Variants in KAZN observed in about 807,000 individuals in gnomAD.
KAZN encodes the protein kazrin.
A neutral mutation model predicts 87.4 loss-of-function variants in KAZN; 40 were observed. The observed-to-expected ratio is 0.46, with a 90% confidence interval of 0.36 to 0.60. The LOEUF (loss-of-function observed/expected upper bound fraction) is 0.60. Ranked by LOEUF, KAZN falls within the 20% of genes least tolerant of loss-of-function variation. The pLI is 0.00. For synonymous variants in KAZN, 466 were observed against 458.3 expected, an observed-to-expected ratio of 1.02 and a Z score of -0.22; for missense variants, 898 against 1,073.9, an observed-to-expected ratio of 0.84 and a Z score of 2.29.
At chr1:14,969,307 C>T (rs955954916) in intron 2 of KAZN, among the ~76,000 whole-genome samples, 14 of 152,250 alleles carry the variant, frequency 9.2e-5, no homozygotes, top group African/African-American at 3.1e-4. Flanking sequence ...TTCTTAGTCT[C>T]ATTCCCTCCA....
At chr1:13,961,141 T>TCCAA (rs1465382475) in intron 1 of KAZN, among the ~76,000 whole-genome samples, 1 of 152,136 alleles carries the variant, frequency 6.6e-6, no homozygotes, top group Non-Finnish European at 1.5e-5. Context: ...ACCCTCTTCT[T>TCCAA]CCAACTTATA....
In KAZN at chr1:14,574,071, G is replaced by A. The variant is rs1327339454; in HGVS notation, c.250-24912G>A. 2.0e-5 allele frequency among the ~76,000 whole-genome samples: 3 copies of A among 152,008 alleles called. No individual in the cohort carries two copies. In the East Asian group the frequency reaches 5.8e-4, roughly 29 times the overall value. ...GTTTCCAATGAATAATTTTAGGTGTGCATCTCAAAAACTCTGAAGAGACTC... is the reference window on the plus strand; with the variant it reads ...GTTTCCAATGAATAATTTTAGGTGTACATCTCAAAAACTCTGAAGAGACTC... On this transcript the variant is annotated intron_variant, in intron 2 of 16. Transcript: ENST00000636203.
chr1:14,457,703 A>T (rs1217182627), intron 2 of KAZN, among the ~76,000 whole-genome samples: 1 of 152,222 alleles, frequency 6.6e-6, no homozygotes, highest in Non-Finnish European at 1.5e-5. Context: ...TTATCACTAT[A>T]AGATTAGTTC....
chr1:14,013,097 AC>A (rs1640394163), intron 1 of KAZN, among the ~76,000 whole-genome samples: 1 of 151,966 alleles, frequency 6.6e-6, no homozygotes, highest in Non-Finnish European at 1.5e-5. Flanking sequence ...TCATCTGTGC[AC>A]CCCTGAGTCC....
intron 2 of KAZN, among the ~76,000 whole-genome samples, chr1:14,512,520 C>T (rs1670966242): frequency 7.3e-6 from 1 of 137,310 alleles, no homozygotes; most frequent in Non-Finnish European, 1.6e-5. Flanking sequence ...AATTAGGCTG[C>T]ATGGGTAGAT....
chr1:14,089,762 A>G (rs1405056294), intron 1 of KAZN, among the ~76,000 whole-genome samples: 1 of 152,086 alleles, frequency 6.6e-6, no homozygotes. Flanking sequence ...ACCTAGTCTT[A>G]TTTTCTTTCT....
rs143961721 is a variant in KAZN, at chr1:14,903,307, T to C, written c.227-57377T>C. On this transcript the variant is annotated intron_variant, in intron 1 of 14. Transcript: ENST00000376030. ...CCCAAACTACGTTTCAAGAAAGAGG[T>C]TGTGAAGTGGCCCGCTTTGAGCAGT... Among the ~76,000 whole-genome samples the C allele has an allele frequency of 1.4e-4, 21 of 152,238 alleles. No individual in the cohort carries two copies. In the East Asian group the frequency reaches 3.7e-3, roughly 27 times the overall value.
chr1:14,459,538 G>T (rs1667749603), intron 2 of KAZN, among the ~76,000 whole-genome samples: 1 of 152,132 alleles, frequency 6.6e-6, no homozygotes, highest in Non-Finnish European at 1.5e-5. Flanking sequence ...TTGGCTGCCT[G>T]GACTGCTGCG....
At chr1:14,596,577 C>T (rs575245345), upstream of KAZN, among the ~76,000 whole-genome samples, 2 of 152,220 alleles carry the variant, frequency 1.3e-5, no homozygotes, top group African/African-American at 4.8e-5. Context: ...CAAAGTAACA[C>T]CCGGCACCTA....
At chr1:14,289,075 A>C (rs896793964) in intron 2 of KAZN, among the ~76,000 whole-genome samples, 1 of 152,120 alleles carries the variant, frequency 6.6e-6, no homozygotes, top group Admixed American at 6.5e-5. Context: ...GTTCTTTTAC[A>C]TTTGCTGAGG....
At chr1:15,108,638 T>C (rs1342518578) in intron 13 of KAZN, among the ~76,000 whole-genome samples, 1 of 152,202 alleles carries the variant, frequency 6.6e-6, no homozygotes, top group African/African-American at 2.4e-5. Context: ...TCTGCCCTTG[T>C]AAATCCTTGG....
intron 2 of KAZN, among the ~76,000 whole-genome samples, chr1:14,451,433 C>T (rs1393803882): frequency 6.6e-6 from 1 of 152,072 alleles, no homozygotes; most frequent in African/African-American, 2.4e-5. Context: ...TGGTTACAGA[C>T]AACAGAAACC....
chr1:14,445,518 A>G (rs11586914), intron 2 of KAZN, among the ~76,000 whole-genome samples: 38,002 of 152,152 alleles, frequency 0.25, 5,557 homozygotes, highest in Middle Eastern at 0.43. Flanking sequence ...AGAAGGAGCC[A>G]GCCCTGCCCA....
intron 1 of KAZN, among the ~76,000 whole-genome samples, chr1:14,644,002 CTTT>C (rs34535562): frequency 0.041 from 2,475 of 60,082 alleles, 14 homozygotes; most frequent in Middle Eastern, 0.074. Flanking sequence ...CCTTTGCCCA[CTTT>C]TTTTTTTTTT....
chr1:14,399,316 C>T (rs1263790177), intron 2 of KAZN, among the ~76,000 whole-genome samples: 1 of 152,062 alleles, frequency 6.6e-6, no homozygotes, highest in African/African-American at 2.4e-5. Flanking sequence ...CGCACTCAAC[C>T]CAAAGATGTT....
chr1:14,382,696 A>T (rs1486498512), intron 2 of KAZN, among the ~76,000 whole-genome samples: 4 of 146,222 alleles, frequency 2.7e-5, no homozygotes, highest in South Asian at 2.3e-4. Context: ...TATGTGCCAC[A>T]TTTTCTTAAT....
At chr1:14,382,079 T>G (rs996982502) in intron 2 of KAZN, among the ~76,000 whole-genome samples, 12 of 152,016 alleles carry the variant, frequency 7.9e-5, no homozygotes, top group Non-Finnish European at 1.3e-4. Flanking sequence ...CCACTGACAA[T>G]AGCTACAAAT....
rs184415788 is a variant in KAZN at position 14,384,046 on chromosome 1, G to A, written c.249+203454G>A. Among the ~76,000 whole-genome samples the A allele has an allele frequency of 1.3e-3, 192 of 151,898 alleles. 1 individual carries two copies. Among genetic ancestry groups the A allele is most frequent in the African/African-American group, 4.5e-3 (186 of 41,302 alleles). ...GGTCCTTCACATCCCTTGTAAGTTGGATTCCTAGGTATTTTATTCTCTTTG... is the reference window on the plus strand; with the variant it reads ...GGTCCTTCACATCCCTTGTAAGTTGAATTCCTAGGTATTTTATTCTCTTTG... On this transcript the variant is annotated intron_variant, in intron 2 of 16. Coordinates refer to the KAZN transcript ENST00000636203.
intron 1 of KAZN, among the ~76,000 whole-genome samples, chr1:14,739,819 GCAAA>G (rs147878994): frequency 0.034 from 5,144 of 152,148 alleles, 276 homozygotes; most frequent in African/African-American, 0.12. Flanking sequence ...CTGCCCACGT[GCAAA>G]CAGAGAGCCT....
Sources: gnomAD v4.1 joint callset for allele counts (sites outside exome capture counted in the v4.1 genomes callset) on GRCh38, gnomAD v4.1.1 for gene constraint, MANE v1.5 for transcripts, NCBI Gene and HGNC (gene_info 2026-07-23, HGNC 2026-07-21) for gene names.